Variants in PYHIN1 observed in about 807,000 individuals in gnomAD.
The protein encoded by PYHIN1 is pyrin and HIN domain family member 1, also known as pyrin and HIN domain-containing protein 1.
Under a neutral mutation model 43.7 loss-of-function variants are expected in PYHIN1, and 32 were observed. The observed-to-expected ratio is 0.73, with a 90% CI of 0.55 to 0.98. The LOEUF (loss-of-function observed/expected upper bound fraction) is 0.98, where lower values mean the gene tolerates loss of function less well. Ranked by LOEUF, PYHIN1 falls within the 50% of genes least tolerant of loss-of-function variation. The pLI is 0.00. For missense variants in PYHIN1, 588 were observed against 589.5 expected (o/e 1.00, Z 0.03); for synonymous variants, 205 against 203.1 (o/e 1.01, Z -0.08).
chr1:158,957,917 C>G (rs2101699232), intron 7 of PYHIN1, among the ~76,000 whole-genome samples: 1 of 151,626 alleles, frequency 6.6e-6, no homozygotes, highest in East Asian at 1.9e-4. Context: ...AAGAAAAAAA[C>G]AAACAACCCC....
chr1:158,932,885 A>G (rs570253809), intron 1 of PYHIN1, among the ~76,000 whole-genome samples: 1 of 152,264 alleles, frequency 6.6e-6, no homozygotes, highest in African/African-American at 2.4e-5. Context: ...ATAGATTTAT[A>G]TTGTCAAAGT....
chr1:158,966,221 G>A (rs1650624090), intron 7 of PYHIN1, among the ~76,000 whole-genome samples: 2 of 152,084 alleles, frequency 1.3e-5, no homozygotes, highest in African/African-American at 4.8e-5. Flanking sequence ...TTCTGAAATT[G>A]AATCAGTAAG....
chr1:158,970,768 A>G (rs948375598), intron 7 of PYHIN1, among the ~76,000 whole-genome samples: 3 of 151,956 alleles, frequency 2.0e-5, no homozygotes, highest in African/African-American at 4.8e-5. Flanking sequence ...TAATAATGAT[A>G]TTTCTTCTTA....
At chr1:158,978,274 CATATATATATATAT>C (rs57749637), downstream of PYHIN1, among the ~76,000 whole-genome samples, 138,649 of 150,908 alleles carry the variant, frequency 0.92, 64,846 homozygotes, top group East Asian at 1. Context: ...TGTGTCTATA[CATATATATATATAT>C]ATATATATAT....
Position 158,943,919 on chromosome 1 carries a change from C to G in PYHIN1, c.1132C>G (p.Arg378Gly), listed in dbSNP as rs754349350. ...KGDKLRLFCFRLRKRENMSKL... is the reference protein window; with the variant it reads ...KGDKLRLFCFGLRKRENMSKL... ...AGATAAGCTTCGACTCTTCTGCTTTCGACTGAGAAAGAGGGAAAATATGTC... is the reference window on the plus strand; with the variant it reads ...AGATAAGCTTCGACTCTTCTGCTTTGGACTGAGAAAGAGGGAAAATATGTC... The change falls in exon 6 of 9, where the codon CGA (arginine) becomes GGA (glycine). Residue 378 changes from arginine (R) to glycine (G), a missense_variant. By Grantham distance (125) the Arg-to-Gly change is moderately radical. Transcript: ENST00000368140. The G allele has an allele frequency of 6.2e-7, 1 of 1,606,322 alleles. No individual in the cohort carries two copies. Among genetic ancestry groups the G allele is most frequent in the Admixed American group, 1.7e-5 (1 of 59,942 alleles).
chr1:158,939,673 G>T, intron 4 of PYHIN1: 1 of 698,676 alleles, frequency 1.4e-6, no homozygotes, highest in South Asian at 1.8e-5. Context: ...CCACCCTCTG[G>T]ATCCCAATAT....
chr1:158,933,326 A>G lies in PYHIN1; in HGVS notation c.-21+1550A>G, dbSNP rs1168876565. On this transcript the variant is annotated intron_variant, in intron 1 of 8. Transcript: ENST00000368140. The surrounding 1 kb of genome is among the most constrained non-coding windows in gnomAD (Gnocchi z 6.3). ...ATATTATCATGAAGGACTATACAAT[A>G]ATGAAAAATAATATACATTTATTAT... Among the ~76,000 whole-genome samples the G allele has an allele frequency of 6.6e-6, 1 of 151,408 alleles. No homozygotes were observed. The highest frequency in any genetic ancestry group is 1.5e-5 in the Non-Finnish European group (1 of 67,772).
Position 158,942,398 on chromosome 1 carries a change from C to G in PYHIN1, c.1001C>G (p.Thr334Arg), listed in dbSNP as rs568353781. 3.8e-6 allele frequency: 6 copies of G among 1,569,752 alleles called. No homozygotes were observed. In the African/African-American group the frequency reaches 8.2e-5, roughly 22 times the overall value. ...YIVYGLFMLH[T>R]KIVNRKTTIY... ...GTATATGGATTATTTATGCTACATA[C>G]GGTAAGGCATCAAAGCTATTTTGTG... is the stretch of plus-strand genomic sequence containing the variant. The change falls in exon 5 of 9, where the codon ACG (threonine) becomes AGG (arginine). Residue 334 changes from threonine to arginine, a missense_variant and splice_region_variant. Thr to Arg is a moderately conservative substitution (Grantham distance 71). Transcript: ENST00000368140.
At chr1:158,938,278 A>G (rs1444728295) in intron 2 of PYHIN1, 119 bp from the exon 3 acceptor site, 2 of 1,083,482 alleles carry the variant, frequency 1.8e-6, no homozygotes, top group Non-Finnish European at 2.7e-6. Context: ...TGCAATAGAG[A>G]TAGACTAAAA....
At chr1:158,985,545 T>C in the PYHIN1 span, among the ~76,000 whole-genome samples, 3 of 152,210 alleles carry the variant, frequency 2.0e-5, no homozygotes, top group African/African-American at 7.2e-5. Flanking sequence ...AGGGTTCCCT[T>C]TGTACATGAT....
chr1:158,953,030 T>C (rs1028000241), intron 7 of PYHIN1, among the ~76,000 whole-genome samples: 8 of 152,178 alleles, frequency 5.3e-5, no homozygotes, highest in Non-Finnish European at 1.2e-4. Flanking sequence ...CACCCGAATA[T>C]TGCGCTTTTC....
At chr1:158,937,869 C>T (rs559530797) in intron 2 of PYHIN1, among the ~76,000 whole-genome samples, 39 of 151,358 alleles carry the variant, frequency 2.6e-4, no homozygotes, top group East Asian at 1.6e-3. Flanking sequence ...GGCGTGAACC[C>T]GAGAGGCGGA....
intron 7 of PYHIN1, among the ~76,000 whole-genome samples, chr1:158,962,236 C>A (rs1003802402): frequency 2.6e-5 from 4 of 152,196 alleles, no homozygotes; most frequent in Admixed American, 2.0e-4. Flanking sequence ...GACCTCCTGA[C>A]TTCAGACTCC....
At chr1:158,947,315 T>C (rs1000155565) in intron 7 of PYHIN1, among the ~76,000 whole-genome samples, 1 of 152,224 alleles carries the variant, frequency 6.6e-6, no homozygotes, top group Non-Finnish European at 1.5e-5. Flanking sequence ...TGTGGGGATA[T>C]AGCCAGATAA....
chr1:158,939,486 G>A (rs1486360962), intron 4 of PYHIN1: 1 of 1,550,970 alleles, frequency 6.4e-7, no homozygotes, highest in Non-Finnish European at 8.7e-7. Context: ...GAGAACTGCG[G>A]AATCTGGAAC....
intron 7 of PYHIN1, among the ~76,000 whole-genome samples, chr1:158,963,503 C>A (rs944027133): frequency 6.6e-6 from 1 of 152,146 alleles, no homozygotes; most frequent in Non-Finnish European, 1.5e-5. Flanking sequence ...CTGCAGTGTG[C>A]CAAGCCAAGA....
chr1:158,940,266 A>G (rs1047364584), intron 4 of PYHIN1: 2 of 151,608 alleles, frequency 1.3e-5, no homozygotes, highest in African/African-American at 4.8e-5. Flanking sequence ...AGGAAACCAT[A>G]TTCTAAGATA....
intron 1 of PYHIN1, among the ~76,000 whole-genome samples, chr1:158,935,039 G>A (rs1369892786): frequency 6.6e-6 from 1 of 152,164 alleles, no homozygotes; most frequent in Admixed American, 6.5e-5. Flanking sequence ...AGCATGCTTT[G>A]AGTGTCATCA....
At chr1:158,972,031 G>A (rs1449407365) in intron 7 of PYHIN1, among the ~76,000 whole-genome samples, 2 of 152,060 alleles carry the variant, frequency 1.3e-5, no homozygotes, top group Admixed American at 6.6e-5. Context: ...TATAGATATA[G>A]AGGCAGATAC....
Sources: allele counts gnomAD v4.1 joint callset (sites outside exome capture counted in the v4.1 genomes callset), GRCh38; gene constraint gnomAD v4.1.1; non-coding constraint Gnocchi (gnomAD v3.1); transcripts MANE v1.5; gene names NCBI Gene and HGNC (gene_info 2026-07-23, HGNC 2026-07-21).